The following RPL7L1 variants were observed in gnomAD, a reference collection of about 807,000 sequenced individuals.
RPL7L1 encodes the protein ribosomal protein uL30-like.
Under a neutral mutation model 30.3 loss-of-function variants are expected in RPL7L1, and 20 were observed. The observed-to-expected ratio is 0.66, with a 90% CI of 0.46 to 0.96. The LOEUF (loss-of-function observed/expected upper bound fraction) is 0.96. Among genes scored for constraint, RPL7L1 ranks in the 40% least tolerant of loss-of-function variants. The probability of loss-of-function intolerance (pLI) is 0.00; values close to 1 mark genes in which losing one functional copy is unlikely to be tolerated. For synonymous variants in RPL7L1, 107 were observed against 110.1 expected (o/e 0.97, Z 0.18); for missense variants, 271 against 314.9 (o/e 0.86, Z 1.05).
rs996135166 is a variant in RPL7L1, at chr6:42,886,578, T to A, written c.*114T>A. ...TAGTATTTAAGAGTAACCTTGAGAT[T>A]GGGAGGAATAGAGGAGGCTGGTACA... On this transcript the variant is annotated 3_prime_UTR_variant, in exon 6 of 6. Transcript: ENST00000493763. 60 of 677,484 alleles carry A rather than the reference T, an allele frequency of 8.9e-5. No homozygotes were observed. The highest frequency in any genetic ancestry group is 1.5e-4 in the Non-Finnish European group (57 of 386,904). The allele number at this position is 677,484 out of a possible 1,614,324, so 42.0% of individuals were successfully genotyped here. A position where few individuals can be genotyped will look rare whatever the true frequency, so the allele number is the denominator to read the frequency against.
chr6:42,885,193 A>G (rs1300355973), intron 4 of RPL7L1, among the ~76,000 whole-genome samples: 3 of 151,410 alleles, frequency 2.0e-5, no homozygotes, highest in Non-Finnish European at 4.4e-5. Flanking sequence ...ACTAAAATAC[A>G]AAAAAAATTA....
chr6:42,885,108 T>C (rs1766213285), intron 4 of RPL7L1, among the ~76,000 whole-genome samples: 1 of 152,064 alleles, frequency 6.6e-6, no homozygotes, highest in African/African-American at 2.4e-5. Context: ...GGCGGGTGGA[T>C]CACACGGTCA....
intron 2 of RPL7L1, 128 bp from the exon 3 acceptor site, chr6:42,883,323 T>A: frequency 1.5e-6 from 1 of 674,642 alleles, no homozygotes; most frequent in Admixed American, 3.1e-5. Flanking sequence ...AAATAGAGAA[T>A]GTTGCTTTGC....
chr6:42,884,865 C>T, intron 4 of RPL7L1, 115 bp downstream of exon 4: 4 of 980,778 alleles, frequency 4.1e-6, no homozygotes, highest in Non-Finnish European at 4.6e-6. Context: ...TTTGCTGTGA[C>T]CACAGTCAAC....
Position 42,884,632 on chromosome 6 carries a change from C to T in RPL7L1, c.331C>T (p.Leu111=). 1 of 1,612,940 alleles carries T rather than the reference C, an allele frequency of 6.2e-7. No individual in the cohort carries two copies. The highest frequency in any genetic ancestry group is 8.5e-7 in the Non-Finnish European group (1 of 1,179,722). Residue 111 remains leucine, a synonymous_variant, in exon 4 of 6, where the codon CTG becomes TTG. Coordinates refer to ENST00000493763, the MANE Select transcript of RPL7L1 (RefSeq NM_001366481.3). ...TTTCAGGATTGACGGCGTGAGTTTA[C>T]TGGTGCAGAGAACCATTGCAAGACT... is the stretch of plus-strand genomic sequence containing the variant. ...RIERIDGVSL[L]VQRTIARLRL...
intron 3 of RPL7L1, 138 bp from the exon 4 acceptor site, chr6:42,884,475 C>T: frequency 1.5e-6 from 1 of 681,250 alleles, no homozygotes; most frequent in Non-Finnish European, 2.5e-6. Flanking sequence ...TAACCGCCTC[C>T]CACTAAACTG....
chr6:42,883,409 A>G (rs368040061), intron 2 of RPL7L1, 42 bp from the exon 3 acceptor site: 87 of 1,491,202 alleles, frequency 5.8e-5, no homozygotes, highest in African/African-American at 1.1e-4. Context: ...GTAAAAATGT[A>G]TGGAGGCACA....
At position 42,887,703 on chromosome 6, in the gene RPL7L1, CCATGGAGGAAGGAGTCCTGCTTT is replaced by C. The variant is rs1766325052; in HGVS notation, c.*1240_*1262del. The C allele has an allele frequency of 6.6e-6, 1 of 152,008 alleles. No homozygotes were observed. Among genetic ancestry groups the C allele is most frequent in the Non-Finnish European group, 1.5e-5 (1 of 67,998 alleles). The allele number at this position is 152,008 out of a possible 1,614,324, so 9.4% of individuals were successfully genotyped here. A position where few individuals can be genotyped will look rare whatever the true frequency, so the allele number is the denominator to read the frequency against. ...CTGTGTCATCTGAAATCGGCACATTCCATGGAGGAAGGAGTCCTGCTTTGTTGCATGTATCCTAGGGTTTAATG... is the reference window on the plus strand; with the variant it reads ...CTGTGTCATCTGAAATCGGCACATTCGTTGCATGTATCCTAGGGTTTAATG... On this transcript the variant is annotated 3_prime_UTR_variant, in exon 6 of 6. Transcript: ENST00000493763.
Position 42,889,653 on chromosome 6 carries a change from C to G in RPL7L1, c.*3189C>G, listed in dbSNP as rs1766401492. On this transcript the variant is annotated 3_prime_UTR_variant, in exon 6 of 6. Coordinates refer to ENST00000493763, the MANE Select transcript of RPL7L1 (RefSeq NM_001366481.3). ...GCTTATATCCCAGCTCTGTCTTACA[C>G]TAAATATGGGTACAGTGTTTCCACT... is the stretch of plus-strand genomic sequence containing the variant. 6.6e-6 allele frequency: 1 copy of G among 152,424 alleles called. No individual in the cohort carries two copies. The highest frequency in any genetic ancestry group is 1.5e-5 in the Non-Finnish European group (1 of 68,028). 9.4% of individuals were successfully genotyped at this position (152,424 alleles called of 1,614,324 possible).
intron 4 of RPL7L1, among the ~76,000 whole-genome samples, chr6:42,884,989 G>A (rs930072319): frequency 6.6e-5 from 10 of 152,164 alleles, no homozygotes; most frequent in Admixed American, 2.0e-4. Flanking sequence ...AGGAAAGCTT[G>A]GTTCTTGAAA....
chr6:42,883,710 C>T (rs1766164805), intron 3 of RPL7L1, 96 bp downstream of exon 3: 2 of 1,014,500 alleles, frequency 2.0e-6, no homozygotes, highest in East Asian at 5.1e-5. Flanking sequence ...CCCCAAGCCA[C>T]TCAGGCAAAT....
chr6:42,880,816 T>A, intron 1 of RPL7L1, 45 bp from the exon 2 acceptor site: 1 of 1,133,792 alleles, frequency 8.8e-7, no homozygotes, highest in East Asian at 2.4e-5. Context: ...CCCGGCCAAG[T>A]GTTCTTTTCT....
Position 42,883,630 on chromosome 6 carries a change from C to T in RPL7L1, c.311+16C>T, listed in dbSNP as rs1766160244. 1 of 1,564,428 alleles carries T rather than the reference C, an allele frequency of 6.4e-7. No homozygotes were observed. The highest frequency in any genetic ancestry group is 1.4e-5 in the African/African-American group (1 of 72,972). On this transcript the variant is annotated intron_variant, in intron 3 of 5. Coordinates refer to ENST00000493763, the MANE Select transcript of RPL7L1 (RefSeq NM_001366481.3). ...GCATCGAAAGGTAAGGAACTGGTGT[C>T]TTTCTAATTGCATGAGGCTGGGGCA... is the stretch of plus-strand genomic sequence containing the variant.
At position 42,889,460 on chromosome 6, in the gene RPL7L1, AG is replaced by A. The variant is rs1766395724; in HGVS notation, c.*2997del. 1 of 148,782 alleles carries A rather than the reference AG, an allele frequency of 6.7e-6. No individual in the cohort carries two copies. Among genetic ancestry groups the A allele is most frequent in the Non-Finnish European group, 1.5e-5 (1 of 66,940 alleles). 9.2% of individuals were successfully genotyped at this position (148,782 alleles called of 1,614,324 possible). On this transcript the variant is annotated 3_prime_UTR_variant, in exon 6 of 6. Coordinates refer to ENST00000493763, the MANE Select transcript of RPL7L1 (RefSeq NM_001366481.3). ...CTGTCTCAAAAAAAAAAAAAAAAAAAGTGCCAGCGTATGAGGTAATTAGATT... is the reference window on the plus strand; with the variant it reads ...CTGTCTCAAAAAAAAAAAAAAAAAAATGCCAGCGTATGAGGTAATTAGATT...
chr6:42,881,730 C>G (rs1766087956), intron 2 of RPL7L1: 1 of 137,116 alleles, frequency 7.3e-6, no homozygotes, highest in South Asian at 2.3e-4. Flanking sequence ...GCCACCACAC[C>G]TGGCTAATTT....
rs1027197375 is a variant in RPL7L1 at position 42,888,811 on chromosome 6, A to T, written c.*2347A>T. ...CCTTAATTTTTTCCTTGCATATTCT[A>T]GTCTTCAGAAGCATTGCCTTTTGTC... is the stretch of plus-strand genomic sequence containing the variant. On this transcript the variant is annotated 3_prime_UTR_variant, in exon 6 of 6. Coordinates refer to ENST00000493763, the MANE Select transcript of RPL7L1 (RefSeq NM_001366481.3). 4.6e-5 allele frequency: 7 copies of T among 152,212 alleles called. No individual in the cohort carries two copies. The highest frequency in any genetic ancestry group is 8.8e-5 in the Non-Finnish European group (6 of 68,046). 9.4% of individuals were successfully genotyped at this position (152,212 alleles called of 1,614,324 possible). A position where few individuals can be genotyped will look rare whatever the true frequency, so the allele number is the denominator to read the frequency against.
In RPL7L1 at chr6:42,887,203, G is replaced by A. The variant is rs951080264; in HGVS notation, c.*739G>A. 6 of 152,170 alleles carry A rather than the reference G, an allele frequency of 3.9e-5. No homozygotes were observed. The highest frequency in any genetic ancestry group is 1.4e-4 in the African/African-American group (6 of 41,434). The allele number at this position is 152,170 out of a possible 1,614,324, so 9.4% of individuals were successfully genotyped here. A position where few individuals can be genotyped will look rare whatever the true frequency, so the allele number is the denominator to read the frequency against. On this transcript the variant is annotated 3_prime_UTR_variant, in exon 6 of 6. Transcript: ENST00000493763. ...TTTTTTATCAGTGAAGTGGAAGCATGTGTTTTGTTTTGGAAATTTTTATCA... is the reference window on the plus strand; with the variant it reads ...TTTTTTATCAGTGAAGTGGAAGCATATGTTTTGTTTTGGAAATTTTTATCA...
intron 2 of RPL7L1, chr6:42,882,592 C>CAA (rs57689508): frequency 2.4e-4 from 25 of 104,758 alleles, no homozygotes; most frequent in African/African-American, 4.7e-4. Flanking sequence ...AACCCTGTCT[C>CAA]AAAAAAAAAA....
rs1766336172 is a variant in RPL7L1 at position 42,887,946 on chromosome 6, C to A, written c.*1482C>A. On this transcript the variant is annotated 3_prime_UTR_variant, in exon 6 of 6. Transcript: ENST00000493763. ...GCTGTGAGTATGTGTTCCAACTTTTCAGTGATGGCTTTGAGAATTCTCAAA... is the reference window on the plus strand; with the variant it reads ...GCTGTGAGTATGTGTTCCAACTTTTAAGTGATGGCTTTGAGAATTCTCAAA... 6.7e-6 allele frequency: 1 copy of A among 150,298 alleles called. No homozygotes were observed. The highest frequency in any genetic ancestry group is 2.5e-5 in the African/African-American group (1 of 40,706). The allele number at this position is 150,298 out of a possible 1,614,324, so 9.3% of individuals were successfully genotyped here. A position where few individuals can be genotyped will look rare whatever the true frequency, so the allele number is the denominator to read the frequency against.
Sources: gnomAD v4.1 joint callset for allele counts (sites outside exome capture counted in the v4.1 genomes callset) on GRCh38, gnomAD v4.1.1 for gene constraint, MANE v1.5 for transcripts, NCBI Gene and HGNC (gene_info 2026-07-23, HGNC 2026-07-21) for gene names.